Variants in HOOK3 observed in about 807,000 individuals in gnomAD.
The protein encoded by HOOK3 is hook microtubule tethering protein 3.
Under a neutral mutation model 116.3 loss-of-function variants are expected in HOOK3, and 24 were observed. The ratio of observed to expected loss-of-function variants is 0.21; its 90% CI spans 0.15 to 0.29. HOOK3 has a LOEUF of 0.29. Among genes scored for constraint, HOOK3 ranks in the 10% least tolerant of loss-of-function variants. The pLI, the probability that HOOK3 is intolerant of heterozygous loss-of-function variation, is 1.00. For synonymous variants in HOOK3, 275 were observed against 283.0 expected, an observed-to-expected ratio of 0.97 and a Z score of 0.28; for missense variants, 632 against 830.2, an observed-to-expected ratio of 0.76 and a Z score of 2.93.
chr8:42,928,446 G>A (rs1807812253), intron 3 of HOOK3, among the ~76,000 whole-genome samples: 1 of 151,406 alleles, frequency 6.6e-6, no homozygotes, highest in African/African-American at 2.4e-5. Context: ...GCAAGACTCA[G>A]TCTCAAAAAA....
At position 43,028,556 on chromosome 8, in the gene HOOK3, A is replaced by T. The variant is rs1026585001; in HGVS notation, c.*10058A>T. 5.3e-6 allele frequency: 1 copy of T among 188,434 alleles called. No individual in the cohort carries two copies. The highest frequency in any genetic ancestry group is 2.3e-5 in the African/African-American group (1 of 42,950). The allele number at this position is 188,434 out of a possible 1,614,324, so 11.7% of individuals were successfully genotyped here. ...CCCTGAAAGTCCACCTCAAAGGTAC[A>T]TCAAGATGCAAACAATTTTTTTATC... On this transcript the variant is annotated 3_prime_UTR_variant, in exon 22 of 22. Coordinates refer to ENST00000307602, the MANE Select transcript of HOOK3 (RefSeq NM_032410.4).
intron 4 of HOOK3, among the ~76,000 whole-genome samples, chr8:42,934,623 A>G (rs549712584): frequency 1.2e-4 from 18 of 149,400 alleles, no homozygotes; most frequent in African/African-American, 4.4e-4. Context: ...GTTCCCACCC[A>G]TGAGTGAGAA....
chr8:42,976,344 C>T (rs1332162001), intron 13 of HOOK3, among the ~76,000 whole-genome samples: 3 of 151,488 alleles, frequency 2.0e-5, no homozygotes, highest in Non-Finnish European at 4.4e-5. Context: ...CCCACCCCAA[C>T]AAAAAAAATT....
chr8:42,964,378 A>G lies in HOOK3; in HGVS notation c.683A>G (p.Asn228Ser), dbSNP rs750445627. ...AATCAGGTATTAATGGAAAGACTCA[A>G]TCAATCTGATTCTATAGAAGACCCT... is the stretch of plus-strand genomic sequence containing the variant. ...AENQVLMERL[N>S]QSDSIEDPNS... The change falls in exon 9 of 22, where the codon AAT (asparagine) becomes AGT (serine). Residue 228 changes from asparagine to serine, a missense_variant. Asn to Ser is a conservative substitution (Grantham distance 46). Coordinates refer to ENST00000307602, the MANE Select transcript of HOOK3 (RefSeq NM_032410.4). 12 of 1,613,934 alleles carry G rather than the reference A, an allele frequency of 7.4e-6. No homozygotes were observed. Among genetic ancestry groups the G allele is most frequent in the African/African-American group, 1.3e-5 (1 of 74,932 alleles).
chr8:42,942,756 CT>C (rs971012028), intron 4 of HOOK3, among the ~76,000 whole-genome samples: 1 of 152,136 alleles, frequency 6.6e-6, no homozygotes, highest in African/African-American at 2.4e-5. Context: ...GTTGGGGGTG[CT>C]TTTTGAGTGG....
chr8:42,940,133 G>A lies in HOOK3; in HGVS notation c.268-3180G>A, dbSNP rs565133791. 5.3e-5 allele frequency among the ~76,000 whole-genome samples: 8 copies of A among 152,342 alleles called. No homozygotes were observed. In the East Asian group the frequency reaches 1.5e-3, roughly 29 times the overall value. On this transcript the variant is annotated intron_variant, in intron 4 of 21. Transcript: ENST00000307602. ...GCACTTTGGGAGGCCAAGGCAGGCC[G>A]CCGGGAGGTGGAGGCTGCAGCGAGC...
chr8:42,959,308 T>C lies in HOOK3; in HGVS notation c.609T>C (p.Asp203=). 6.2e-7 allele frequency: 1 copy of C among 1,607,324 alleles called. No homozygotes were observed. The highest frequency in any genetic ancestry group is 2.2e-5 in the East Asian group (1 of 44,850). ...EEIAQRCHEL[D]MQVAALQEEK... ...TTGCTCAAAGATGCCATGAACTGGATATGCAGGTAAGAGATTTGTTCTGTG... is the reference window on the plus strand; with the variant it reads ...TTGCTCAAAGATGCCATGAACTGGACATGCAGGTAAGAGATTTGTTCTGTG... Residue 203 remains aspartate, a synonymous_variant, in exon 8 of 22, where the codon GAT becomes GAC. Transcript: ENST00000307602.
chr8:42,908,400 C>T (rs543903498), intron 2 of HOOK3, among the ~76,000 whole-genome samples: 5 of 152,298 alleles, frequency 3.3e-5, no homozygotes, highest in Non-Finnish European at 5.9e-5. Context: ...TCTCACTACC[C>T]GATTTTAAAC....
intron 18 of HOOK3, among the ~76,000 whole-genome samples, chr8:43,008,657 A>ATTTTTTTTTTTTTTTTTTT (rs1176623906): frequency 7.0e-6 from 1 of 143,810 alleles, no homozygotes; most frequent in African/African-American, 2.6e-5. Context: ...TTTTATTTTT[A>ATTTTTTTTTTTTTTTTTTT]TTTTTATTTT....
chr8:42,935,961 A>C (rs964473729), intron 4 of HOOK3, among the ~76,000 whole-genome samples: 1 of 152,202 alleles, frequency 6.6e-6, no homozygotes, highest in African/African-American at 2.4e-5. Context: ...GATACCATTG[A>C]ATCTATAAAT....
intron 1 of HOOK3, among the ~76,000 whole-genome samples, chr8:42,901,091 A>G (rs574824880): frequency 6.6e-6 from 1 of 152,222 alleles, no homozygotes; most frequent in Non-Finnish European, 1.5e-5. Flanking sequence ...AACCAGCTAG[A>G]TGACAATAGC....
At chr8:42,965,971 T>C (rs1808625368) in intron 9 of HOOK3, among the ~76,000 whole-genome samples, 1 of 152,144 alleles carries the variant, frequency 6.6e-6, no homozygotes, top group Non-Finnish European at 1.5e-5. Flanking sequence ...AAAAACAACA[T>C]GTCACCAACA....
intron 2 of HOOK3, among the ~76,000 whole-genome samples, chr8:42,909,479 A>T (rs1299494276): frequency 1.3e-5 from 2 of 152,168 alleles, no homozygotes; most frequent in Admixed American, 6.5e-5. Context: ...TAATTGATTG[A>T]TCGAGACAGG....
chr8:43,011,135 G>A (rs1285968443), intron 19 of HOOK3, among the ~76,000 whole-genome samples: 2 of 152,048 alleles, frequency 1.3e-5, no homozygotes, highest in African/African-American at 4.8e-5. Flanking sequence ...TAGGACTACA[G>A]GCGCCTGCCA....
chr8:42,993,548 C>T (rs1321484501), intron 15 of HOOK3, among the ~76,000 whole-genome samples: 1 of 152,116 alleles, frequency 6.6e-6, no homozygotes, highest in Admixed American at 6.6e-5. Flanking sequence ...ATTCCTTCTT[C>T]CTCTGTTTTT....
chr8:43,016,542 A>T (rs1212392451), intron 21 of HOOK3, among the ~76,000 whole-genome samples: 1 of 152,236 alleles, frequency 6.6e-6, no homozygotes, highest in Non-Finnish European at 1.5e-5. Context: ...TTCTCAGGTA[A>T]CTTAAATGGA....
chr8:43,020,151 T>G lies in HOOK3; in HGVS notation c.*1653T>G, dbSNP rs1465630386. 2 of 198,700 alleles carry G rather than the reference T, an allele frequency of 1.0e-5. No individual in the cohort carries two copies. Among genetic ancestry groups the G allele is most frequent in the South Asian group, 1.9e-4 (1 of 5,244 alleles). 12.3% of individuals were successfully genotyped at this position (198,700 alleles called of 1,614,324 possible). On this transcript the variant is annotated 3_prime_UTR_variant, in exon 22 of 22. Coordinates refer to ENST00000307602, the MANE Select transcript of HOOK3 (RefSeq NM_032410.4). ...GTAGTTGAAGAAAGATATTAGAGTA[T>G]ACACAGAACTGGAGCCATACATTGT... is the stretch of plus-strand genomic sequence containing the variant.
At chr8:42,952,486 C>T (rs1352913853) in intron 6 of HOOK3, among the ~76,000 whole-genome samples, 1 of 152,128 alleles carries the variant, frequency 6.6e-6, no homozygotes, top group Non-Finnish European at 1.5e-5. Context: ...GAATCAGTGA[C>T]CATGATGTCC....
In HOOK3 at chr8:43,025,475, A is replaced by G; in HGVS notation, c.*6977A>G. On this transcript the variant is annotated 3_prime_UTR_variant, in exon 22 of 22. Coordinates refer to ENST00000307602, the MANE Select transcript of HOOK3 (RefSeq NM_032410.4). ...GCATTATCTAAACAGATGTTCCCAAAGCAATAGTTTGCCTAAAATCCTCTG... is the reference window on the plus strand; with the variant it reads ...GCATTATCTAAACAGATGTTCCCAAGGCAATAGTTTGCCTAAAATCCTCTG... 1 of 214,166 alleles carries G rather than the reference A, an allele frequency of 4.7e-6. No homozygotes were observed. Among genetic ancestry groups the G allele is most frequent in the East Asian group, 7.0e-5 (1 of 14,230 alleles). 13.3% of individuals were successfully genotyped at this position (214,166 alleles called of 1,614,324 possible).
Sources: allele counts gnomAD v4.1 joint callset (sites outside exome capture counted in the v4.1 genomes callset), GRCh38; gene constraint gnomAD v4.1.1; transcripts MANE v1.5; gene names NCBI Gene and HGNC (gene_info 2026-07-23, HGNC 2026-07-21).